Variants in TMC1 observed in about 807,000 individuals in gnomAD.
TMC1 encodes transmembrane channel-like protein 1.
TMC1 carries 84 observed loss-of-function variants against 105.8 expected under a neutral mutation model. The ratio of observed to expected loss-of-function variants is 0.79; its 90% confidence interval spans 0.67 to 0.95. The LOEUF is 0.95. Among genes scored for constraint, TMC1 ranks in the 40% least tolerant of loss-of-function variants. The pLI, the probability that TMC1 is intolerant of heterozygous loss-of-function variation, is 0.00. For missense variants in TMC1, 817 were observed against 914.1 expected, an observed-to-expected ratio of 0.89 and a Z score of 1.37; for synonymous variants, 315 against 311.5, an observed-to-expected ratio of 1.01 and a Z score of -0.12.
chr9:72,522,339 G>A (rs1823327686), intron 1 of TMC1, among the ~76,000 whole-genome samples: 1 of 152,064 alleles, frequency 6.6e-6, no homozygotes, highest in Admixed American at 6.6e-5. Context: ...CTGACCTCGT[G>A]ATCCGCCCGC....
intron 1 of TMC1, among the ~76,000 whole-genome samples, chr9:72,530,974 C>T (rs1208293870): frequency 6.6e-6 from 1 of 151,498 alleles, no homozygotes; most frequent in East Asian, 1.9e-4. Flanking sequence ...GCGCCTGCCA[C>T]CACGCCCAGC....
chr9:72,834,818 ACTG>A (rs1256609347), intron 23 of TMC1, among the ~76,000 whole-genome samples: 1 of 152,020 alleles, frequency 6.6e-6, no homozygotes, highest in African/African-American at 2.4e-5. Context: ...TCAGACTCTA[ACTG>A]CTGCTGTTTC....
At chr9:72,775,445 T>C (rs931911277) in intron 13 of TMC1, among the ~76,000 whole-genome samples, 11 of 152,152 alleles carry the variant, frequency 7.2e-5, no homozygotes, top group Admixed American at 2.6e-4. Context: ...TTTTATATCA[T>C]AAAATAAAGG....
intron 13 of TMC1, among the ~76,000 whole-genome samples, chr9:72,774,188 T>G (rs1827973289): frequency 6.6e-6 from 1 of 152,198 alleles, no homozygotes; most frequent in Admixed American, 6.5e-5. Context: ...TAGATTTGTA[T>G]ATTTAATAAA....
At chr9:72,710,349 T>A (rs762793720) in intron 8 of TMC1, among the ~76,000 whole-genome samples, 1 of 152,184 alleles carries the variant, frequency 6.6e-6, no homozygotes, top group Admixed American at 6.5e-5. Flanking sequence ...TCTGTAAATA[T>A]CTGTTGGGTC....
rs528757836 is a variant in TMC1, at chr9:72,701,301, C to T, written c.362+658C>T. On this transcript the variant is annotated intron_variant, in intron 8 of 23. Transcript: ENST00000297784. Reference sequence around the variant, plus strand: ...AGTCTTATGTTGATGCTAATGTGGACGCGAACGCAGTCAGAGCACACAGAT... The same window carrying T: ...AGTCTTATGTTGATGCTAATGTGGATGCGAACGCAGTCAGAGCACACAGAT... 1.1e-3 allele frequency among the ~76,000 whole-genome samples: 162 copies of T among 152,246 alleles called. 1 individual carries two copies. Among genetic ancestry groups the T allele is most frequent in the African/African-American group, 3.7e-3 (153 of 41,538 alleles).
Position 72,536,433 on chromosome 9 carries a change from C to T in TMC1, c.-428+14520C>T, listed in dbSNP as rs373686302. Among the ~76,000 whole-genome samples, 9 of 152,164 alleles carry T rather than the reference C, an allele frequency of 5.9e-5. No homozygotes were observed. In the South Asian group the frequency reaches 6.2e-4, roughly 11 times the overall value. ...CTGCAAGCTCTGCCTCCTGGGATCA[C>T]GCCATTCTCCTGCCTCAGCCTCCTG... On this transcript the variant is annotated intron_variant, in intron 1 of 23. Coordinates refer to ENST00000297784, the MANE Select transcript of TMC1 (RefSeq NM_138691.3).
chr9:72,656,546 A>G (rs1825887678), intron 5 of TMC1, among the ~76,000 whole-genome samples: 1 of 152,102 alleles, frequency 6.6e-6, no homozygotes. Context: ...TAATTGTTTT[A>G]CTGTTGTTAT....
intron 5 of TMC1, among the ~76,000 whole-genome samples, chr9:72,653,276 C>T (rs957306648): frequency 4.6e-5 from 7 of 152,124 alleles, no homozygotes; most frequent in Admixed American, 4.6e-4. Context: ...GAGTCAGGCA[C>T]ATTGCTATGC....
chr9:72,648,489 C>T, intron 4 of TMC1, 108 bp from the exon 5 acceptor site: 2 of 712,080 alleles, frequency 2.8e-6, no homozygotes, highest in East Asian at 5.0e-5. Context: ...TGAGTACCTT[C>T]TTAAGTTTCA....
intron 8 of TMC1, among the ~76,000 whole-genome samples, chr9:72,725,325 G>GTGTATA (rs1346287163): frequency 0.02 from 1,531 of 77,334 alleles, 37 homozygotes; most frequent in Middle Eastern, 0.032. Context: ...ATGTGTGTAT[G>GTGTATA]TATATATATA....
chr9:72,796,356 C>T (rs951941906), intron 17 of TMC1, among the ~76,000 whole-genome samples: 3 of 152,128 alleles, frequency 2.0e-5, no homozygotes, highest in African/African-American at 7.2e-5. Context: ...GGAGGAACTT[C>T]TTCCCAGCTC....
intron 8 of TMC1, among the ~76,000 whole-genome samples, chr9:72,726,907 C>T (rs920774600): frequency 6.6e-6 from 1 of 152,190 alleles, no homozygotes; most frequent in African/African-American, 2.4e-5. Flanking sequence ...TGCTTCTTCT[C>T]ACTATGGGGC....
chr9:72,556,806 G>A (rs1823948951), intron 1 of TMC1, among the ~76,000 whole-genome samples: 1 of 151,946 alleles, frequency 6.6e-6, no homozygotes, highest in Non-Finnish European at 1.5e-5. Flanking sequence ...GGGAGATAGA[G>A]CGAGACTCTG....
intron 2 of TMC1, among the ~76,000 whole-genome samples, chr9:72,609,903 C>G (rs1824995083): frequency 6.6e-6 from 1 of 152,076 alleles, no homozygotes; most frequent in Admixed American, 6.6e-5. Context: ...TCCCTAGCAA[C>G]AGGGAAGGCT....
chr9:72,819,200 C>G (rs932910060), intron 19 of TMC1, among the ~76,000 whole-genome samples: 1 of 152,168 alleles, frequency 6.6e-6, no homozygotes, highest in African/African-American at 2.4e-5. Flanking sequence ...TGCTATCACA[C>G]TAGCAGAGAA....
chr9:72,651,260 T>C (rs1299747241), intron 5 of TMC1: 1 of 151,960 alleles, frequency 6.6e-6, no homozygotes. Context: ...AGGTAGCCCA[T>C]GAAGCGATGA....
intron 5 of TMC1, among the ~76,000 whole-genome samples, chr9:72,670,131 C>T (rs773942987): frequency 2.0e-5 from 3 of 152,138 alleles, no homozygotes; most frequent in Non-Finnish European, 2.9e-5. Flanking sequence ...CTGTAGTGTT[C>T]CTGCTGACTC....
chr9:72,659,106 G>A lies in TMC1; in HGVS notation c.16+10442G>A, dbSNP rs183622185. 3.1e-4 allele frequency among the ~76,000 whole-genome samples: 47 copies of A among 152,258 alleles called. No homozygotes were observed. The East Asian group carries it at 7.9e-3, about 26-fold the overall frequency. On this transcript the variant is annotated intron_variant, in intron 5 of 23. Transcript: ENST00000297784. The stretch of plus-strand genomic sequence containing the variant: ...CAAAAAGATGCCTATATTCACTTCC[G>A]CACTTAGGTCTCCAAGCCTCAGTTC...
Sources: allele counts gnomAD v4.1 joint callset (sites outside exome capture counted in the v4.1 genomes callset), GRCh38; gene constraint gnomAD v4.1.1; transcripts MANE v1.5; gene names NCBI Gene and HGNC (gene_info 2026-07-23, HGNC 2026-07-21).